PPFIA1: variants seen among roughly 807,000 people sequenced by gnomAD.
PPFIA1 encodes the protein liprin-alpha-1.
A neutral mutation model predicts 149.9 loss-of-function variants in PPFIA1; 25 were observed. That is an observed-to-expected ratio of 0.17 (90% confidence interval 0.12 to 0.23). The LOEUF (loss-of-function observed/expected upper bound fraction) is 0.23, where lower values mean the gene tolerates loss of function less well. PPFIA1 is among the 10% of genes least tolerant of loss of function. The pLI is 1.00. For synonymous variants in PPFIA1, 549 were observed against 552.8 expected, an observed-to-expected ratio of 0.99 and a Z score of 0.10; for missense variants, 1,362 against 1,506.5, an observed-to-expected ratio of 0.90 and a Z score of 1.59.
intron 2 of PPFIA1, among the ~76,000 whole-genome samples, chr11:70,299,331 C>T (rs886693069): frequency 4.6e-5 from 7 of 152,110 alleles, no homozygotes; most frequent in African/African-American, 1.2e-4. Flanking sequence ...GGGTCAGACA[C>T]CATAGGATAA....
chr11:70,292,918 C>T (rs563795931), intron 2 of PPFIA1, among the ~76,000 whole-genome samples: 5 of 152,318 alleles, frequency 3.3e-5, no homozygotes, highest in East Asian at 1.9e-4. Context: ...GGTTCTTTAA[C>T]GGAGGGACTT....
chr11:70,360,751 T>G (rs142748158), intron 19 of PPFIA1, among the ~76,000 whole-genome samples: 4 of 152,400 alleles, frequency 2.6e-5, no homozygotes, highest in Admixed American at 6.5e-5. Context: ...TATTGAAATG[T>G]ATTGAAGAGC....
chr11:70,337,983 A>C (rs2055086131), intron 12 of PPFIA1, among the ~76,000 whole-genome samples: 1 of 152,224 alleles, frequency 6.6e-6, no homozygotes, highest in Non-Finnish European at 1.5e-5. Flanking sequence ...TACCCATGAC[A>C]CAGGGATGGG....
chr11:70,272,160 C>G lies in PPFIA1; in HGVS notation c.1-13C>G. On this transcript the variant is annotated splice_polypyrimidine_tract_variant and intron_variant, in intron 1 of 27. Coordinates refer to ENST00000253925, the MANE Select transcript of PPFIA1 (RefSeq NM_003626.5). ...TGAGCTTAATTACTGTAGCCTGGGT[C>G]TTTCATTTCAAGATGATGTGCGAGG... 2 of 1,611,846 alleles carry G rather than the reference C, an allele frequency of 1.2e-6. No individual in the cohort carries two copies. The highest frequency in any genetic ancestry group is 1.7e-6 in the Non-Finnish European group (2 of 1,179,428).
intron 2 of PPFIA1, among the ~76,000 whole-genome samples, chr11:70,285,613 G>A (rs1749799539): frequency 6.6e-6 from 1 of 151,120 alleles, no homozygotes. Context: ...CTGGGAGGTG[G>A]AGGTTGCAAT....
At chr11:70,296,647 G>A (rs965260959) in intron 2 of PPFIA1, among the ~76,000 whole-genome samples, 7 of 151,060 alleles carry the variant, frequency 4.6e-5, no homozygotes, top group Non-Finnish European at 7.4e-5. Context: ...GTCCAGCTTC[G>A]GCTCAGCATC....
intron 2 of PPFIA1, among the ~76,000 whole-genome samples, chr11:70,297,994 C>T (rs1413433482): frequency 6.6e-6 from 1 of 152,168 alleles, no homozygotes; most frequent in Admixed American, 6.5e-5. Flanking sequence ...GTTTCGCATT[C>T]GCTTACATGG....
At chr11:70,368,036 G>A (rs564042149) in intron 21 of PPFIA1, among the ~76,000 whole-genome samples, 1 of 152,264 alleles carries the variant, frequency 6.6e-6, no homozygotes, top group South Asian at 2.1e-4. Context: ...TGTTTGGGAG[G>A]CTTAGGCTGG....
At chr11:70,301,758 A>G (rs531435019) in intron 2 of PPFIA1, among the ~76,000 whole-genome samples, 1 of 152,328 alleles carries the variant, frequency 6.6e-6, no homozygotes, top group African/African-American at 2.4e-5. Context: ...ACAGTTGTGT[A>G]TCTGAATCTT....
intron 2 of PPFIA1, among the ~76,000 whole-genome samples, chr11:70,276,873 A>G (rs2050406411): frequency 6.6e-6 from 1 of 151,790 alleles, no homozygotes; most frequent in African/African-American, 2.4e-5. Flanking sequence ...TCTTGATATC[A>G]GTAATTCATA....
chr11:70,327,294 T>TTTTTTAA, intron 7 of PPFIA1: 1 of 153,838 alleles, frequency 6.5e-6, no homozygotes, highest in South Asian at 2.0e-4. Context: ...GGAGGGGGCG[T>TTTTTTAA]TGCTGGCGGT....
Position 70,326,611 on chromosome 11 carries a change from T to C in PPFIA1, c.723T>C (p.Gly241=), listed in dbSNP as rs183179626. 1.2e-6 allele frequency: 2 copies of C among 1,613,836 alleles called. No homozygotes were observed. Among genetic ancestry groups the C allele is most frequent in the East Asian group, 4.5e-5 (2 of 44,880 alleles). ...CCCCCTATCAGAGATCTTCTGATGG[T>C]TCTTTAAGCCACGAGGAAGACCTTG... is the stretch of plus-strand genomic sequence containing the variant. ...PSTSGKRSSD[G]SLSHEEDLAK... Residue 241 remains glycine, a synonymous_variant, in exon 7 of 28, where the codon GGT becomes GGC. Coordinates refer to ENST00000253925, the MANE Select transcript of PPFIA1 (RefSeq NM_003626.5).
intron 11 of PPFIA1, among the ~76,000 whole-genome samples, chr11:70,335,961 G>T (rs974232815): frequency 6.6e-6 from 1 of 152,074 alleles, no homozygotes; most frequent in Non-Finnish European, 1.5e-5. Flanking sequence ...TTTATAAAGG[G>T]CCAGATTGTA....
chr11:70,303,866 C>T lies in PPFIA1; in HGVS notation c.265-20536C>T, dbSNP rs531776652. Among the ~76,000 whole-genome samples, 38 of 152,214 alleles carry T rather than the reference C, an allele frequency of 2.5e-4. No homozygotes were observed. The East Asian group carries it at 3.9e-3, about 15-fold the overall frequency. ...ACTAAAAATACAAAAATTAGCCAGGCGTGGTGGTGTGTGCCTGTAATCCCA... is the reference window on the plus strand; with the variant it reads ...ACTAAAAATACAAAAATTAGCCAGGTGTGGTGGTGTGTGCCTGTAATCCCA... On this transcript the variant is annotated intron_variant, in intron 2 of 27. Coordinates refer to ENST00000253925, the MANE Select transcript of PPFIA1 (RefSeq NM_003626.5).
chr11:70,345,279 G>A (rs1009305552), intron 15 of PPFIA1, among the ~76,000 whole-genome samples: 1 of 148,298 alleles, frequency 6.7e-6, no homozygotes, highest in African/African-American at 2.5e-5. Context: ...TACGTCAGAT[G>A]GTAATAAGCA....
chr11:70,296,445 C>G (rs774520568), intron 2 of PPFIA1, among the ~76,000 whole-genome samples: 3 of 152,112 alleles, frequency 2.0e-5, no homozygotes, highest in Non-Finnish European at 2.9e-5. Flanking sequence ...CTCTGGAGGC[C>G]GAGGCTGGCG....
At chr11:70,300,218 A>G (rs973427113) in intron 2 of PPFIA1, among the ~76,000 whole-genome samples, 4 of 151,522 alleles carry the variant, frequency 2.6e-5, no homozygotes, top group Non-Finnish European at 4.4e-5. Context: ...CTTCATTACC[A>G]TGCGCCCCTC....
chr11:70,344,605 C>T lies in PPFIA1; in HGVS notation c.1931+713C>T, dbSNP rs568664005. Among the ~76,000 whole-genome samples the T allele has an allele frequency of 9.8e-5, 15 of 152,320 alleles. No individual in the cohort carries two copies. In the South Asian group the frequency reaches 1.7e-3, roughly 17 times the overall value. Reference sequence around the variant, plus strand: ...TGTAGTGACGTTTAAAAGTGTAGAACGTTTACCTTCTTACTTTGGTCTGTT... The same window carrying T: ...TGTAGTGACGTTTAAAAGTGTAGAATGTTTACCTTCTTACTTTGGTCTGTT... On this transcript the variant is annotated intron_variant, in intron 15 of 27. Transcript: ENST00000253925.
chr11:70,300,036 C>T (rs921656769), intron 2 of PPFIA1, among the ~76,000 whole-genome samples: 2 of 137,518 alleles, frequency 1.5e-5, no homozygotes, highest in Non-Finnish European at 3.1e-5. Context: ...TCAGTGCCAG[C>T]CATGCCCTCT....
Sources: allele counts gnomAD v4.1 joint callset (sites outside exome capture counted in the v4.1 genomes callset), GRCh38; gene constraint gnomAD v4.1.1; transcripts MANE v1.5; gene names NCBI Gene and HGNC (gene_info 2026-07-23, HGNC 2026-07-21).